ACRBP: variants seen among roughly 807,000 people sequenced by gnomAD.
ACRBP encodes the protein acrosin binding protein, also known as acrosin-binding protein.
A neutral mutation model predicts 69.0 loss-of-function variants in ACRBP; 52 were observed. The observed-to-expected ratio is 0.75, with a 90% CI of 0.60 to 0.95. The LOEUF (loss-of-function observed/expected upper bound fraction) is 0.95. Among genes scored for constraint, ACRBP ranks in the 40% least tolerant of loss-of-function variants. The pLI is 0.00. For missense variants in ACRBP, 604 were observed against 673.0 expected, an observed-to-expected ratio of 0.90 and a Z score of 1.13; for synonymous variants, 267 against 258.9, an observed-to-expected ratio of 1.03 and a Z score of -0.30.
At position 6,644,205 on chromosome 12, in the gene ACRBP, G is replaced by T. The variant is rs1949071995; in HGVS notation, c.876C>A (p.Ala292=). The change falls in exon 5 of 10, where the codon GCC becomes GCA. Residue 292 remains alanine (A), a synonymous_variant. Transcript: ENST00000229243. ...MENIQELIRS[A]QEIDEMNEIY... is the part of the protein sequence containing the mutation. ...TTTCATTCATTTCATCTATTTCCTG[G>T]GCTGATCGAATGAGCTCCTGGATGT... 1 of 1,613,508 alleles carries T rather than the reference G, an allele frequency of 6.2e-7. No homozygotes were observed. Among genetic ancestry groups the T allele is most frequent in the African/African-American group, 1.3e-5 (1 of 74,976 alleles).
At chr12:6,643,507 C>T in intron 6 of ACRBP, 32 bp downstream of exon 6, 5 of 1,612,364 alleles carry the variant, frequency 3.1e-6, no homozygotes, top group Non-Finnish European at 4.2e-6. Context: ...TGCCCAGTGG[C>T]ATGTATCCAT....
At chr12:6,638,616 G>C in intron 9 of ACRBP, 1 of 1,276,028 alleles carries the variant, frequency 7.8e-7, no homozygotes, top group Non-Finnish European at 1.0e-6. Flanking sequence ...GGCGGCTGAG[G>C]CTCAGAGGGG....
At chr12:6,641,061 T>C (rs1175187694) in intron 6 of ACRBP, among the ~76,000 whole-genome samples, 1 of 152,254 alleles carries the variant, frequency 6.6e-6, no homozygotes, top group Admixed American at 6.5e-5. Flanking sequence ...AAACTGACTC[T>C]CAGTGAGGTT....
chr12:6,646,084 C>T (rs922207437), intron 3 of ACRBP, among the ~76,000 whole-genome samples: 13 of 151,512 alleles, frequency 8.6e-5, no homozygotes, highest in African/African-American at 2.4e-4. Context: ...CTCAGCCTCC[C>T]GAGTAGCTGG....
chr12:6,638,596 T>C (rs1949028368), intron 9 of ACRBP, 192 bp from the exon 10 acceptor site: 1 of 1,233,006 alleles, frequency 8.1e-7, no homozygotes, highest in Non-Finnish European at 1.1e-6. Context: ...ACCCCTTTCA[T>C]GCAGAAACAG....
Position 6,640,658 on chromosome 12 carries a change from T to C in ACRBP, c.1078-136A>G, listed in dbSNP as rs1447311103. 1 of 964,596 alleles carries C rather than the reference T, an allele frequency of 1.0e-6. No homozygotes were observed. Among genetic ancestry groups the C allele is most frequent in the East Asian group, 2.6e-5 (1 of 37,826 alleles). The allele number at this position is 964,596 out of a possible 1,614,324, so 59.8% of individuals were successfully genotyped here. A position where few individuals can be genotyped will look rare whatever the true frequency, so the allele number is the denominator to read the frequency against. ...CCAAAAGCTTCTCTGGGTTTTCTAC[T>C]TGGCCTCCTCCCCAAGGGTTCCTCA... is the stretch of plus-strand genomic sequence containing the variant. On this transcript the variant is annotated intron_variant, in intron 6 of 9. Coordinates refer to ENST00000229243, the MANE Select transcript of ACRBP (RefSeq NM_032489.3). The surrounding 1 kb of genome is among the most constrained non-coding windows in gnomAD (Gnocchi z 5.3).
intron 3 of ACRBP, among the ~76,000 whole-genome samples, chr12:6,645,653 G>GT (rs1592308709): frequency 3.0e-5 from 3 of 100,730 alleles, no homozygotes; most frequent in African/African-American, 1.1e-4. Context: ...TGGGTTTTGG[G>GT]TTTGTTTTTT....
In ACRBP at chr12:6,638,117, G is replaced by A. The variant is rs538314213; in HGVS notation, c.*165C>T. On this transcript the variant is annotated 3_prime_UTR_variant, in exon 10 of 10. Transcript: ENST00000229243. ...TGTAAAGTCATCTTTTAAGGAGGGCGCAGCTCCCACCGTGGCCCTCTCTGG... is the reference window on the plus strand; with the variant it reads ...TGTAAAGTCATCTTTTAAGGAGGGCACAGCTCCCACCGTGGCCCTCTCTGG... 24 of 896,528 alleles carry A rather than the reference G, an allele frequency of 2.7e-5. No homozygotes were observed. Among genetic ancestry groups the A allele is most frequent in the Middle Eastern group, 3.6e-4 (1 of 2,808 alleles). The allele number at this position is 896,528 out of a possible 1,614,324, so 55.5% of individuals were successfully genotyped here.
rs1361950550 is a variant in ACRBP at position 6,639,042 on chromosome 12, G to A, written c.1426-5C>T. 4 of 1,613,136 alleles carry A rather than the reference G, an allele frequency of 2.5e-6. No individual in the cohort carries two copies. The highest frequency in any genetic ancestry group is 3.3e-5 in the Admixed American group (2 of 60,024). ...GATATAGTCTGTGTCACAAATCTAAGCCAAGAGCCAGAGAGAGGGAAGAGG... is the reference window on the plus strand; with the variant it reads ...GATATAGTCTGTGTCACAAATCTAAACCAAGAGCCAGAGAGAGGGAAGAGG... On this transcript the variant is annotated splice_polypyrimidine_tract_variant and splice_region_variant and intron_variant, in intron 8 of 9. Transcript: ENST00000229243.
intron 5 of ACRBP, 77 bp from the exon 6 acceptor site, chr12:6,643,748 C>CG: frequency 1.3e-6 from 2 of 1,567,986 alleles, no homozygotes; most frequent in South Asian, 2.3e-5. Flanking sequence ...TCTTCCCCTT[C>CG]CCTTAGTGTC....
rs1196230263 is a variant in ACRBP at position 6,644,444 on chromosome 12, G to C, written c.637C>G (p.Gln213Glu). The C allele has an allele frequency of 6.2e-7, 1 of 1,613,846 alleles. No homozygotes were observed. Among genetic ancestry groups the C allele is most frequent in the East Asian group, 2.2e-5 (1 of 44,838 alleles). Residue 213 changes from glutamine (Q) to glutamate (E), a missense_variant, in exon 5 of 10, where the codon CAG (glutamine) becomes GAG (glutamate). Gln to Glu is a conservative substitution (Grantham distance 29, BLOSUM62 2). Coordinates refer to ENST00000229243, the MANE Select transcript of ACRBP (RefSeq NM_032489.3). Reference sequence around the variant, plus strand: ...TCTTCCTGTTTCTGCCCCTCTTCCTGCTTGTGTTCTTGTGTCGGCTCCTGC... The same window carrying C: ...TCTTCCTGTTTCTGCCCCTCTTCCTCCTTGTGTTCTTGTGTCGGCTCCTGC... ...HRQEPTQEHK[Q>E]EEGQKQEEQE...
chr12:6,641,583 G>A lies in ACRBP; in HGVS notation c.1078-1061C>T, dbSNP rs532779906. ...TCTTATCTAAGCCATCAAATCCAGT[G>A]AGCTCCCTCCATAAAACCCTGAACT... On this transcript the variant is annotated intron_variant, in intron 6 of 9. Transcript: ENST00000229243. Among the ~76,000 whole-genome samples the A allele has an allele frequency of 5.9e-5, 9 of 152,224 alleles. No homozygotes were observed. In the South Asian group the frequency reaches 1.9e-3, roughly 32 times the overall value.
chr12:6,638,566 A>C, intron 9 of ACRBP, 162 bp from the exon 10 acceptor site: 1 of 1,235,942 alleles, frequency 8.1e-7, no homozygotes, highest in Non-Finnish European at 1.1e-6. Flanking sequence ...TTAAAGCCAG[A>C]GGAGACATCA....
At chr12:6,643,946 T>G (rs914013384) in intron 5 of ACRBP, 191 bp downstream of exon 5, 2 of 1,194,502 alleles carry the variant, frequency 1.7e-6, no homozygotes, top group South Asian at 3.3e-5. Context: ...AGGGCTTACA[T>G]AGAGAATAAG....
chr12:6,638,124 C>A lies in ACRBP; in HGVS notation c.*158G>T. The A allele has an allele frequency of 1.0e-6, 1 of 988,614 alleles. No individual in the cohort carries two copies. 61.2% of individuals were successfully genotyped at this position (988,614 alleles called of 1,614,324 possible). On this transcript the variant is annotated 3_prime_UTR_variant, in exon 10 of 10. Transcript: ENST00000229243. ...TCATCTTTTAAGGAGGGCGCAGCTCCCACCGTGGCCCTCTCTGGGACTGTT... is the reference window on the plus strand; with the variant it reads ...TCATCTTTTAAGGAGGGCGCAGCTCACACCGTGGCCCTCTCTGGGACTGTT...
intron 6 of ACRBP, among the ~76,000 whole-genome samples, chr12:6,642,334 T>G (rs1479220335): frequency 6.6e-6 from 1 of 152,222 alleles, no homozygotes; most frequent in Non-Finnish European, 1.5e-5. Context: ...ATTTAGGTCT[T>G]TGATCCATTG....
intron 3 of ACRBP, 43 bp downstream of exon 3, chr12:6,646,440 T>C: frequency 6.4e-7 from 1 of 1,574,212 alleles, no homozygotes; most frequent in Admixed American, 1.7e-5. Flanking sequence ...CGCCTCTCCC[T>C]TGGCCCTGGG....
At chr12:6,643,792 T>C (rs578107271) in intron 5 of ACRBP, 121 bp from the exon 6 acceptor site, 2 of 1,402,720 alleles carry the variant, frequency 1.4e-6, no homozygotes, top group South Asian at 1.3e-5. Flanking sequence ...ATGCTTAGCA[T>C]GGGGCCTTAG....
At chr12:6,645,982 C>A (rs1949085338) in intron 3 of ACRBP, among the ~76,000 whole-genome samples, 1 of 149,554 alleles carries the variant, frequency 6.7e-6, no homozygotes, top group Non-Finnish European at 1.5e-5. Flanking sequence ...TTTTTTGAGA[C>A]ACAGTCTTGC....
Sources: gnomAD v4.1 joint callset for allele counts (sites outside exome capture counted in the v4.1 genomes callset) on GRCh38, gnomAD v4.1.1 for gene constraint, Gnocchi (gnomAD v3.1) non-coding constraint, MANE v1.5 for transcripts, NCBI Gene and HGNC (gene_info 2026-07-23, HGNC 2026-07-21) for gene names.